The following STK32A variants were observed in gnomAD, a reference collection of about 807,000 sequenced individuals.
STK32A encodes the protein serine/threonine kinase 32A.
Under a neutral mutation model 53.2 loss-of-function variants are expected in STK32A, and 41 were observed. The ratio of observed to expected loss-of-function variants is 0.77; its 90% CI spans 0.60 to 1.00. The LOEUF is 1.00. Among genes scored for constraint, STK32A ranks in the 50% least tolerant of loss-of-function variants. The pLI is 0.00. For missense variants in STK32A, 458 were observed against 485.8 expected, an observed-to-expected ratio of 0.94 and a Z score of 0.54; for synonymous variants, 166 against 162.8, an observed-to-expected ratio of 1.02 and a Z score of -0.15.
At chr5:147,262,999 CA>C (rs971054862) in intron 2 of STK32A, among the ~76,000 whole-genome samples, 105 of 136,152 alleles carry the variant, frequency 7.7e-4, no homozygotes, top group African/African-American at 2.6e-3. Context: ...TGGAAAAAGA[CA>C]AAAAAAAATT....
At chr5:147,393,968 C>T in the STK32A span, 30 of 1,482,618 alleles carry the variant, frequency 2.0e-5, no homozygotes, top group South Asian at 8.0e-5. Context: ...TCTTAAATAT[C>T]GGTGTACCAT....
chr5:147,383,599 A>G, intron 12 of STK32A, 94 bp downstream of exon 12: 1 of 1,103,456 alleles, frequency 9.1e-7, no homozygotes, highest in South Asian at 1.6e-5. Flanking sequence ...AACATTTTAA[A>G]AATTATTTTC....
chr5:147,354,455 C>G (rs1470160247), intron 7 of STK32A, among the ~76,000 whole-genome samples: 1 of 152,108 alleles, frequency 6.6e-6, no homozygotes, highest in East Asian at 1.9e-4. Context: ...GTAATTTTTT[C>G]AAAGTTGGCA....
intron 4 of STK32A, among the ~76,000 whole-genome samples, chr5:147,282,554 G>A (rs927250088): frequency 5.9e-5 from 9 of 152,232 alleles, no homozygotes; most frequent in African/African-American, 2.2e-4. Flanking sequence ...GACTCACCTA[G>A]TACATAAGTA....
In STK32A at chr5:147,384,572, T is replaced by G; in HGVS notation, c.*589T>G. On this transcript the variant is annotated 3_prime_UTR_variant, in exon 13 of 13. Coordinates refer to ENST00000397936, the MANE Select transcript of STK32A (RefSeq NM_001112724.2). ...ATGCGTGAATCAGCATTAGATCCGC[T>G]TATCTCAGCTGGCAGGAGCCTGCTG... The G allele has an allele frequency of 1.5e-6, 1 of 661,536 alleles. No individual in the cohort carries two copies. 41.0% of individuals were successfully genotyped at this position (661,536 alleles called of 1,614,324 possible). A position where few individuals can be genotyped will look rare whatever the true frequency, so the allele number is the denominator to read the frequency against.
intron 9 of STK32A, among the ~76,000 whole-genome samples, chr5:147,371,907 C>T (rs1411626185): frequency 2.0e-5 from 3 of 152,164 alleles, no homozygotes; most frequent in Non-Finnish European, 2.9e-5. Flanking sequence ...TAGCTCTTAG[C>T]TCAAATATCA....
intron 8 of STK32A, among the ~76,000 whole-genome samples, chr5:147,364,215 C>CA (rs764357691): frequency 0.31 from 20,855 of 66,374 alleles, 2,618 homozygotes; most frequent in African/African-American, 0.42. Context: ...AACTCCATCT[C>CA]AAAAAAAAAA....
At chr5:147,380,811 G>C (rs956783836) in intron 11 of STK32A, among the ~76,000 whole-genome samples, 1 of 152,196 alleles carries the variant, frequency 6.6e-6, no homozygotes, top group African/African-American at 2.4e-5. Flanking sequence ...TCAGTATAGA[G>C]AGATATTTTT....
intron 2 of STK32A, 107 bp downstream of exon 2, chr5:147,239,793 A>C: frequency 1.2e-6 from 1 of 839,020 alleles, no homozygotes; most frequent in South Asian, 1.7e-5. Flanking sequence ...AGGGCCTTGA[A>C]GGAAAAAGGC....
chr5:147,369,885 C>T (rs1293849999), intron 8 of STK32A, among the ~76,000 whole-genome samples: 2 of 152,108 alleles, frequency 1.3e-5, no homozygotes, highest in Non-Finnish European at 2.9e-5. Context: ...TTACAGTTCA[C>T]ATAAGAGACA....
chr5:147,363,147 A>T (rs1163460754), intron 8 of STK32A, among the ~76,000 whole-genome samples: 1 of 152,170 alleles, frequency 6.6e-6, no homozygotes, highest in Non-Finnish European at 1.5e-5. Context: ...CTTCCAAAAT[A>T]CAATGATACC....
intron 7 of STK32A, among the ~76,000 whole-genome samples, chr5:147,354,387 C>T (rs779332601): frequency 3.9e-5 from 6 of 152,082 alleles, no homozygotes; most frequent in Non-Finnish European, 8.8e-5. Context: ...GAGAGAAGTA[C>T]GGGGAGGCCA....
chr5:147,292,351 A>G (rs760091522), intron 4 of STK32A, among the ~76,000 whole-genome samples: 2 of 152,256 alleles, frequency 1.3e-5, no homozygotes, highest in Admixed American at 6.5e-5. Flanking sequence ...ACAGGTTCTT[A>G]CTGAACTTAC....
At chr5:147,399,548 A>C in the STK32A span, among the ~76,000 whole-genome samples, 2 of 152,228 alleles carry the variant, frequency 1.3e-5, no homozygotes, top group Admixed American at 1.3e-4. Context: ...TAATTTCAAA[A>C]AGGATTATGG....
chr5:147,236,956 T>C (rs1753348951), intron 1 of STK32A, among the ~76,000 whole-genome samples: 1 of 152,134 alleles, frequency 6.6e-6, no homozygotes, highest in African/African-American at 2.4e-5. Flanking sequence ...ACTCAGGTTT[T>C]AAGCACAAAA....
At chr5:147,236,844 T>C (rs535070322) in intron 1 of STK32A, among the ~76,000 whole-genome samples, 2 of 152,266 alleles carry the variant, frequency 1.3e-5, no homozygotes, top group African/African-American at 4.8e-5. Flanking sequence ...CAGTGCTTGG[T>C]ATATCTTATG....
chr5:147,242,939 G>A (rs987896496), intron 2 of STK32A, among the ~76,000 whole-genome samples: 11 of 152,086 alleles, frequency 7.2e-5, no homozygotes, highest in Non-Finnish European at 1.2e-4. Flanking sequence ...AAAAAGCACT[G>A]ATTAACCAAA....
chr5:147,299,658 C>A (rs1753034706), intron 4 of STK32A, among the ~76,000 whole-genome samples: 1 of 152,134 alleles, frequency 6.6e-6, no homozygotes, highest in African/African-American at 2.4e-5. Context: ...TTTATTGGGG[C>A]TCAAAGCTTG....
chr5:147,370,071 AT>A (rs1172778634), intron 8 of STK32A, among the ~76,000 whole-genome samples: 1 of 151,902 alleles, frequency 6.6e-6, no homozygotes, highest in East Asian at 1.9e-4. Context: ...TTCCCCCAAA[AT>A]TTTTTTTAAA....
Sources: allele counts gnomAD v4.1 joint callset (sites outside exome capture counted in the v4.1 genomes callset), GRCh38; gene constraint gnomAD v4.1.1; transcripts MANE v1.5; gene names NCBI Gene and HGNC (gene_info 2026-07-23, HGNC 2026-07-21).